STK33: variants seen among roughly 807,000 people sequenced by gnomAD.
STK33 encodes the protein serine/threonine-protein kinase 33.
A neutral mutation model predicts 58.0 loss-of-function variants in STK33; 52 were observed. The observed-to-expected ratio is 0.90, with a 90% CI of 0.72 to 1.13. The LOEUF is 1.13. Among genes scored for constraint, STK33 ranks in the 50% most tolerant of loss-of-function variants. The pLI is 0.00. For missense variants in STK33, 630 were observed against 604.2 expected (o/e 1.04, Z -0.45); for synonymous variants, 215 against 200.1 (o/e 1.07, Z -0.63).
chr11:8,470,349 C>T (rs1948659248), intron 6 of STK33, among the ~76,000 whole-genome samples: 1 of 152,198 alleles, frequency 6.6e-6, no homozygotes, highest in Non-Finnish European at 1.5e-5. Flanking sequence ...GTCCTCACTT[C>T]TCTCCCCTTC....
intron 15 of STK33, among the ~76,000 whole-genome samples, chr11:8,394,627 C>G (rs536596740): frequency 1.3e-5 from 2 of 152,266 alleles, no homozygotes; most frequent in South Asian, 4.2e-4. Flanking sequence ...AAGAAATACT[C>G]AGAAACAGTC....
At chr11:8,387,720 A>G (rs1590664069), downstream of STK33, among the ~76,000 whole-genome samples, 1 of 152,182 alleles carries the variant, frequency 6.6e-6, no homozygotes, top group East Asian at 1.9e-4. Context: ...GGACCAGGAA[A>G]TATCAGCTGC....
chr11:8,534,275 CAA>C (rs10712860), intron 1 of STK33, among the ~76,000 whole-genome samples: 9 of 131,720 alleles, frequency 6.8e-5, no homozygotes, highest in Non-Finnish European at 6.6e-5. Flanking sequence ...GACTGCATCT[CAA>C]AAAAAAAAAA....
chr11:8,464,846 T>C (rs779145770), intron 6 of STK33, 24 bp from the exon 7 acceptor site: 12 of 1,375,584 alleles, frequency 8.7e-6, no homozygotes, highest in Non-Finnish European at 1.2e-5. Context: ...AAAAAAGAGT[T>C]GTCTCTCTAT....
At chr11:8,459,001 A>G (rs780243342) in intron 8 of STK33, among the ~76,000 whole-genome samples, 2 of 152,214 alleles carry the variant, frequency 1.3e-5, no homozygotes, top group Non-Finnish European at 2.9e-5. Context: ...ACACATAAAT[A>G]AGCTTTTGAA....
intron 15 of STK33, among the ~76,000 whole-genome samples, chr11:8,398,398 G>A (rs142346673): frequency 0.027 from 4,136 of 152,262 alleles, 98 homozygotes; most frequent in Middle Eastern, 0.051. Flanking sequence ...ATCCTTCACA[G>A]ACAAGCAAAT....
chr11:8,462,923 G>A (rs1319383727), intron 7 of STK33, among the ~76,000 whole-genome samples: 1 of 151,984 alleles, frequency 6.6e-6, no homozygotes, highest in Non-Finnish European at 1.5e-5. Context: ...TCCCTGCAAG[G>A]GATAAAAAAG....
At chr11:8,348,465 T>C in the STK33 span, among the ~76,000 whole-genome samples, 58 of 152,290 alleles carry the variant, frequency 3.8e-4, no homozygotes, top group Middle Eastern at 3.4e-3. Context: ...ACTCACTCAC[T>C]ATCAGGAGAA....
chr11:8,439,868 A>ATT (rs953028775), intron 12 of STK33, among the ~76,000 whole-genome samples: 2 of 59,774 alleles, frequency 3.3e-5, no homozygotes, highest in African/African-American at 1.3e-4. Context: ...TTATATTATA[A>ATT]TTATATATAT....
At chr11:8,590,851 C>T (rs1279529998) in intron 1 of STK33, among the ~76,000 whole-genome samples, 4 of 152,110 alleles carry the variant, frequency 2.6e-5, no homozygotes, top group Admixed American at 6.5e-5. Context: ...CTTTCTGAAT[C>T]GCATCTTAAG....
At chr11:8,532,872 G>A (rs191431756) in intron 1 of STK33, among the ~76,000 whole-genome samples, 47 of 152,206 alleles carry the variant, frequency 3.1e-4, no homozygotes, top group African/African-American at 1.1e-3. Flanking sequence ...ATTTTTAACT[G>A]CACCATAAAC....
chr11:8,400,928 T>G (rs577905815), intron 15 of STK33, among the ~76,000 whole-genome samples: 13 of 152,258 alleles, frequency 8.5e-5, no homozygotes, highest in African/African-American at 3.1e-4. Flanking sequence ...GAAGGACCTC[T>G]TCAAGGAGAA....
intron 1 of STK33, among the ~76,000 whole-genome samples, chr11:8,579,129 T>C (rs897386863): frequency 2.6e-5 from 4 of 152,064 alleles, no homozygotes; most frequent in African/African-American, 9.7e-5. Context: ...ATGTGTGGCA[T>C]TCAATCATTT....
At chr11:8,416,426 T>C (rs1227170952) in intron 14 of STK33, among the ~76,000 whole-genome samples, 4 of 151,812 alleles carry the variant, frequency 2.6e-5, no homozygotes, top group African/African-American at 9.7e-5. Context: ...AGCTTTACTT[T>C]TGTCTCATTT....
At chr11:8,574,885 A>G (rs1358826433) in intron 1 of STK33, among the ~76,000 whole-genome samples, 2 of 137,812 alleles carry the variant, frequency 1.5e-5, no homozygotes, top group African/African-American at 2.7e-5. Flanking sequence ...CAAAAAAAGG[A>G]AAAAAAAAAA....
the STK33 span, among the ~76,000 whole-genome samples, chr11:8,341,855 G>T: frequency 1.3e-5 from 2 of 152,232 alleles, no homozygotes; most frequent in African/African-American, 4.8e-5. Context: ...TTGTGATCAT[G>T]AGAGTTTACA....
chr11:8,362,983 G>A, the STK33 span, among the ~76,000 whole-genome samples: 2 of 150,848 alleles, frequency 1.3e-5, no homozygotes, highest in Non-Finnish European at 2.9e-5. Flanking sequence ...ACAGGGTCAC[G>A]CACTGCACAC....
intron 14 of STK33, among the ~76,000 whole-genome samples, chr11:8,432,099 C>T (rs534264152): frequency 6.6e-6 from 1 of 152,322 alleles, no homozygotes; most frequent in East Asian, 1.9e-4. Flanking sequence ...TAGGGGCACA[C>T]GTGCGTGTAC....
chr11:8,388,910 C>T (rs1484178045), downstream of STK33, among the ~76,000 whole-genome samples: 3 of 152,190 alleles, frequency 2.0e-5, no homozygotes, highest in Admixed American at 6.5e-5. Context: ...TTAGTGACCA[C>T]CCAGGTGAAT....
Sources: gnomAD v4.1 joint callset for allele counts (sites outside exome capture counted in the v4.1 genomes callset) on GRCh38, gnomAD v4.1.1 for gene constraint, MANE v1.5 for transcripts, NCBI Gene and HGNC (gene_info 2026-07-23, HGNC 2026-07-21) for gene names.